ITGBL1: variants seen among roughly 807,000 people sequenced by gnomAD.
The protein encoded by ITGBL1 is integrin subunit beta like 1.
In ITGBL1, 51 loss-of-function variants were observed where a neutral mutation model predicts 68.5. The observed-to-expected ratio is 0.74, with a 90% CI of 0.59 to 0.94. The LOEUF is 0.94. Among genes scored for constraint, ITGBL1 ranks in the 40% least tolerant of loss-of-function variants. The probability of loss-of-function intolerance (pLI) is 0.00; values close to 1 mark genes in which losing one functional copy is unlikely to be tolerated. For synonymous variants in ITGBL1, 209 were observed against 227.3 expected (o/e 0.92, Z 0.72); for missense variants, 649 against 647.4 (o/e 1.00, Z -0.03).
chr13:101,631,800 G>A (rs1003459708), intron 7 of ITGBL1, among the ~76,000 whole-genome samples: 4 of 152,112 alleles, frequency 2.6e-5, no homozygotes, highest in African/African-American at 7.2e-5. Flanking sequence ...GGTCTCCACA[G>A]CTACAGCTAG....
At chr13:101,628,471 C>T (rs113315500) in intron 7 of ITGBL1, among the ~76,000 whole-genome samples, 7 of 150,308 alleles carry the variant, frequency 4.7e-5, no homozygotes, top group African/African-American at 1.5e-4. Context: ...CTCGCTCTGT[C>T]ACCCAGGCTG....
chr13:101,681,298 T>C (rs183222370), intron 7 of ITGBL1, among the ~76,000 whole-genome samples: 171 of 152,242 alleles, frequency 1.1e-3, no homozygotes, highest in Non-Finnish European at 1.1e-3. Context: ...TGTGTGCATA[T>C]GTGTGTGCGT....
At chr13:101,682,047 G>T (rs1348150246) in intron 7 of ITGBL1, among the ~76,000 whole-genome samples, 3 of 152,110 alleles carry the variant, frequency 2.0e-5, no homozygotes, top group Non-Finnish European at 2.9e-5. Flanking sequence ...TTCCAGATAT[G>T]AGTCATCCAT....
chr13:101,573,525 A>G (rs1209984064), intron 3 of ITGBL1, among the ~76,000 whole-genome samples: 2 of 152,152 alleles, frequency 1.3e-5, no homozygotes, highest in Non-Finnish European at 2.9e-5. Flanking sequence ...TATACTCTAT[A>G]TCTTAATGGG....
At chr13:101,492,631 C>G (rs913569176) in intron 2 of ITGBL1, among the ~76,000 whole-genome samples, 1 of 152,158 alleles carries the variant, frequency 6.6e-6, no homozygotes, top group Admixed American at 6.5e-5. Flanking sequence ...CTTTCCTTTG[C>G]CTTTCTTTTC....
At chr13:101,535,346 C>CAG (rs1321754975) in intron 2 of ITGBL1, among the ~76,000 whole-genome samples, 4 of 152,088 alleles carry the variant, frequency 2.6e-5, no homozygotes, top group African/African-American at 9.7e-5. Context: ...CCCACTCTTT[C>CAG]AGAGCTCCAG....
chr13:101,607,378 A>T (rs1289015817), intron 7 of ITGBL1, among the ~76,000 whole-genome samples: 2 of 152,054 alleles, frequency 1.3e-5, no homozygotes, highest in Non-Finnish European at 2.9e-5. Flanking sequence ...AATTTATTGG[A>T]CAATATATAT....
chr13:101,583,409 A>T, intron 6 of ITGBL1, 53 bp downstream of exon 6: 1 of 1,307,882 alleles, frequency 7.6e-7, no homozygotes, highest in Non-Finnish European at 1.0e-6. Flanking sequence ...GGGCTTGTTA[A>T]TGGGTAAAAA....
chr13:101,499,200 A>G (rs188126950), intron 2 of ITGBL1, among the ~76,000 whole-genome samples: 174 of 152,270 alleles, frequency 1.1e-3, no homozygotes, highest in Non-Finnish European at 9.4e-4. Flanking sequence ...TATCTGCAAA[A>G]ATAATAAAAT....
intron 2 of ITGBL1, among the ~76,000 whole-genome samples, chr13:101,558,699 T>C (rs998317417): frequency 1.3e-5 from 2 of 152,202 alleles, no homozygotes; most frequent in African/African-American, 4.8e-5. Context: ...ATAATTCCGA[T>C]ACCCTCTTAA....
At chr13:101,574,584 A>G (rs1248957379) in intron 3 of ITGBL1, among the ~76,000 whole-genome samples, 1 of 152,140 alleles carries the variant, frequency 6.6e-6, no homozygotes, top group East Asian at 1.9e-4. Flanking sequence ...GTGAGAGATC[A>G]AGTCTCAGTT....
At chr13:101,609,577 C>G (rs1457624875) in intron 7 of ITGBL1, among the ~76,000 whole-genome samples, 1 of 152,084 alleles carries the variant, frequency 6.6e-6, no homozygotes, top group Non-Finnish European at 1.5e-5. Flanking sequence ...AGAGATTCCC[C>G]TTTGCAGTAG....
chr13:101,534,197 T>C (rs1314757918), intron 2 of ITGBL1, among the ~76,000 whole-genome samples: 3 of 151,624 alleles, frequency 2.0e-5, no homozygotes, highest in Non-Finnish European at 4.4e-5. Context: ...ACAGCAAAAG[T>C]TTGGAAGGGG....
intron 7 of ITGBL1, among the ~76,000 whole-genome samples, chr13:101,655,809 G>A (rs753391466): frequency 1.3e-5 from 2 of 152,212 alleles, no homozygotes; most frequent in Non-Finnish European, 2.9e-5. Context: ...AATGCCCAAA[G>A]AGATGCTATG....
chr13:101,540,604 C>A (rs898955852), intron 2 of ITGBL1, among the ~76,000 whole-genome samples: 1 of 152,072 alleles, frequency 6.6e-6, no homozygotes, highest in African/African-American at 2.4e-5. Context: ...TCATTGGTAG[C>A]TTGATGGGGA....
At chr13:101,511,198 T>C (rs1056897704) in intron 2 of ITGBL1, among the ~76,000 whole-genome samples, 6 of 152,124 alleles carry the variant, frequency 3.9e-5, no homozygotes, top group African/African-American at 1.4e-4. Context: ...TCTACTCCAA[T>C]TTGAAAAAAA....
intron 2 of ITGBL1, among the ~76,000 whole-genome samples, chr13:101,458,792 A>G (rs904513898): frequency 7.2e-5 from 11 of 152,204 alleles, no homozygotes; most frequent in African/African-American, 2.7e-4. Flanking sequence ...ATTTTGTACT[A>G]CACTTTTTTA....
At chr13:101,515,172 T>C (rs2049175554) in intron 2 of ITGBL1, among the ~76,000 whole-genome samples, 1 of 152,110 alleles carries the variant, frequency 6.6e-6, no homozygotes, top group South Asian at 2.1e-4. Flanking sequence ...TTATAATACT[T>C]AATTGGTGAT....
At chr13:101,702,308 A>T (rs1051967744) in intron 8 of ITGBL1, among the ~76,000 whole-genome samples, 1 of 152,114 alleles carries the variant, frequency 6.6e-6, no homozygotes, top group African/African-American at 2.4e-5. Flanking sequence ...CAAATAGCCA[A>T]CTTTTGTTTT....
Sources: allele counts gnomAD v4.1 joint callset (sites outside exome capture counted in the v4.1 genomes callset), GRCh38; gene constraint gnomAD v4.1.1; transcripts MANE v1.5; gene names NCBI Gene and HGNC (gene_info 2026-07-23, HGNC 2026-07-21).